The following ANKS1B variants were observed in gnomAD, a reference collection of about 807,000 sequenced individuals.
ANKS1B encodes the protein ankyrin repeat and sterile alpha motif domain containing 1B.
A neutral mutation model predicts 148.3 loss-of-function variants in ANKS1B; 36 were observed. The ratio of observed to expected loss-of-function variants is 0.24; its 90% confidence interval spans 0.19 to 0.32. The LOEUF (loss-of-function observed/expected upper bound fraction) is 0.32. ANKS1B is among the 10% of genes least tolerant of loss of function. ANKS1B has a pLI of 1.00. For synonymous variants in ANKS1B, 542 were observed against 560.8 expected (o/e 0.97, Z 0.47); for missense variants, 1,157 against 1,542.6 (o/e 0.75, Z 4.19).
At chr12:99,471,531 C>G (rs561850025) in intron 10 of ANKS1B, among the ~76,000 whole-genome samples, 4 of 152,106 alleles carry the variant, frequency 2.6e-5, no homozygotes, top group East Asian at 1.9e-4. Flanking sequence ...ATTTGCAGAG[C>G]TATGATGAGG....
At chr12:98,894,010 T>C (rs1300623998) in intron 17 of ANKS1B, among the ~76,000 whole-genome samples, 3 of 152,226 alleles carry the variant, frequency 2.0e-5, no homozygotes, top group African/African-American at 7.2e-5. Context: ...CTGGAAACAC[T>C]GACCCGACCT....
At chr12:99,384,928 G>A (rs1445188503) in intron 12 of ANKS1B, among the ~76,000 whole-genome samples, 1 of 151,966 alleles carries the variant, frequency 6.6e-6, no homozygotes, top group African/African-American at 2.4e-5. Flanking sequence ...AGTACTAAAG[G>A]AATATTTGTT....
chr12:99,064,479 G>A (rs2043430742), intron 16 of ANKS1B, among the ~76,000 whole-genome samples: 1 of 152,270 alleles, frequency 6.6e-6, no homozygotes, highest in African/African-American at 2.4e-5. Context: ...ATAGGGGCAC[G>A]CCCTCTGGAC....
chr12:99,047,633 G>A (rs2153515448), intron 17 of ANKS1B, among the ~76,000 whole-genome samples: 1 of 152,312 alleles, frequency 6.6e-6, no homozygotes, highest in Middle Eastern at 3.4e-3. Context: ...CAAAATGGCG[G>A]CAGGTTTCTT....
chr12:99,914,952 G>A (rs751221248), intron 1 of ANKS1B, among the ~76,000 whole-genome samples: 1 of 152,062 alleles, frequency 6.6e-6, no homozygotes, highest in Non-Finnish European at 1.5e-5. Flanking sequence ...ACTGTAAGGC[G>A]CAGTGGCTCA....
intron 11 of ANKS1B, among the ~76,000 whole-genome samples, chr12:99,419,472 T>C (rs1375061047): frequency 6.6e-6 from 1 of 152,220 alleles, no homozygotes; most frequent in Non-Finnish European, 1.5e-5. Context: ...CTGATATAGG[T>C]AATTTGTGTC....
At chr12:99,182,806 C>T (rs954675909) in intron 14 of ANKS1B, among the ~76,000 whole-genome samples, 3 of 152,140 alleles carry the variant, frequency 2.0e-5, no homozygotes, top group African/African-American at 4.8e-5. Context: ...TTTTTCTCCA[C>T]GTCTTCACCA....
intron 14 of ANKS1B, among the ~76,000 whole-genome samples, chr12:99,192,131 CAAAA>C (rs35767286): frequency 3.5e-5 from 2 of 57,798 alleles, no homozygotes; most frequent in Admixed American, 5.9e-4. Flanking sequence ...GACTCCATCT[CAAAA>C]AAAAAAAAAA....
intron 22 of ANKS1B, among the ~76,000 whole-genome samples, chr12:98,791,701 G>A (rs780325050): frequency 6.6e-6 from 1 of 152,220 alleles, no homozygotes; most frequent in Admixed American, 6.5e-5. Context: ...GGGAGTACAA[G>A]TGCATGTTAC....
chr12:99,873,060 G>A (rs2091704565), intron 1 of ANKS1B, among the ~76,000 whole-genome samples: 1 of 152,154 alleles, frequency 6.6e-6, no homozygotes, highest in African/African-American at 2.4e-5. Context: ...TCTGGAGAAT[G>A]GGGATGATGT....
intron 17 of ANKS1B, among the ~76,000 whole-genome samples, chr12:98,864,475 G>A (rs1385077401): frequency 6.6e-6 from 1 of 152,260 alleles, no homozygotes; most frequent in Non-Finnish European, 1.5e-5. Context: ...TGAGACTGCT[G>A]TTCACACTGG....
chr12:99,887,819 T>G (rs146443809), intron 1 of ANKS1B, among the ~76,000 whole-genome samples: 120 of 152,346 alleles, frequency 7.9e-4, no homozygotes, highest in Non-Finnish European at 1.2e-3. Context: ...TAAACTTCCA[T>G]AGTGGACAGA....
intron 16 of ANKS1B, among the ~76,000 whole-genome samples, chr12:99,076,286 GA>G (rs2047856372): frequency 6.6e-6 from 1 of 152,156 alleles, no homozygotes; most frequent in South Asian, 2.1e-4. Flanking sequence ...GCAGGCAAAT[GA>G]AGGCGCCTCA....
intron 22 of ANKS1B, among the ~76,000 whole-genome samples, chr12:98,789,421 T>A (rs908785507): frequency 5.4e-5 from 8 of 149,164 alleles, no homozygotes; most frequent in African/African-American, 2.0e-4. Context: ...GATGTATAGT[T>A]TTTTTTTTTT....
intron 14 of ANKS1B, among the ~76,000 whole-genome samples, chr12:99,163,346 G>C (rs2076869751): frequency 6.6e-6 from 1 of 151,840 alleles, no homozygotes; most frequent in African/African-American, 2.4e-5. Context: ...ATTTTCTTCA[G>C]TTTTCTCCAG....
rs536089863 is a variant in ANKS1B, at chr12:99,408,729, C to T, written c.1576-8918G>A. On this transcript the variant is annotated intron_variant, in intron 11 of 26. Transcript: ENST00000683438. ...TTCTCAAAAGAAGACATACAAATGG[C>T]GAACCGATATGAGAAAAGGTGTTCA... is the stretch of plus-strand genomic sequence containing the variant. Among the ~76,000 whole-genome samples, 6 of 145,736 alleles carry T rather than the reference C, an allele frequency of 4.1e-5. 1 individual carries two copies. Among genetic ancestry groups the T allele is most frequent in the East Asian group, 1.9e-4 (1 of 5,176 alleles).
At chr12:99,617,631 C>G (rs2097984999) in intron 9 of ANKS1B, among the ~76,000 whole-genome samples, 1 of 151,818 alleles carries the variant, frequency 6.6e-6, no homozygotes, top group South Asian at 2.1e-4. Flanking sequence ...CACACTGGGG[C>G]CTTTCAGGGG....
intron 15 of ANKS1B, among the ~76,000 whole-genome samples, chr12:99,106,798 G>A (rs2059313832): frequency 6.6e-6 from 1 of 150,952 alleles, no homozygotes; most frequent in Non-Finnish European, 1.5e-5. Flanking sequence ...TGTCTTTTAG[G>A]TTGTCTTAAA....
chr12:99,494,789 A>T (rs1052989129), intron 10 of ANKS1B, among the ~76,000 whole-genome samples: 1 of 151,338 alleles, frequency 6.6e-6, no homozygotes, highest in Non-Finnish European at 1.5e-5. Flanking sequence ...AGAAAGACTG[A>T]ATGCAGGGGT....
Sources: gnomAD v4.1 joint callset for allele counts (sites outside exome capture counted in the v4.1 genomes callset) on GRCh38, gnomAD v4.1.1 for gene constraint, MANE v1.5 for transcripts, NCBI Gene and HGNC (gene_info 2026-07-23, HGNC 2026-07-21) for gene names.